Variants in NXPE3 observed in about 807,000 individuals in gnomAD.
NXPE3 encodes NXPE family member 3.
NXPE3 carries 26 observed loss-of-function variants against 46.1 expected under a neutral mutation model. That is an observed-to-expected ratio of 0.56 (90% confidence interval 0.41 to 0.78). The LOEUF is 0.78. Ranked by LOEUF, NXPE3 falls within the 30% of genes least tolerant of loss-of-function variation. The probability of loss-of-function intolerance (pLI) is 0.00; values close to 1 mark genes in which losing one functional copy is unlikely to be tolerated. For synonymous variants in NXPE3, 272 were observed against 257.9 expected, an observed-to-expected ratio of 1.05 and a Z score of -0.52; for missense variants, 620 against 686.0, an observed-to-expected ratio of 0.90 and a Z score of 1.07.
chr3:101,808,854 T>TATATATACATACATATATATATAC (rs770360739), intron 6 of NXPE3, among the ~76,000 whole-genome samples: 2 of 100,346 alleles, frequency 2.0e-5, no homozygotes, highest in Non-Finnish European at 4.2e-5. Context: ...TATATATATA[T>TATATATACATACATATATATATAC]ATGAGACATT....
At chr3:101,786,317 G>T (rs942728020) in intron 4 of NXPE3, among the ~76,000 whole-genome samples, 1 of 152,196 alleles carries the variant, frequency 6.6e-6, no homozygotes, top group African/African-American at 2.4e-5. Flanking sequence ...TTGTTGGCTT[G>T]TGGTACTTCT....
intron 3 of NXPE3, among the ~76,000 whole-genome samples, chr3:101,783,484 G>C (rs1551692): frequency 0.011 from 1,610 of 152,256 alleles, 30 homozygotes; most frequent in African/African-American, 0.037. Flanking sequence ...TCTTTTCCTG[G>C]CACAATCCTC....
intron 5 of NXPE3, among the ~76,000 whole-genome samples, chr3:101,805,199 T>C (rs1426077706): frequency 4.6e-5 from 7 of 152,176 alleles, no homozygotes; most frequent in Non-Finnish European, 8.8e-5. Context: ...ATGATCACAT[T>C]TGGGACATTT....
rs75403688 is a variant in NXPE3, at chr3:101,813,310, A to T, written c.923-3485A>T. 3.3e-3 allele frequency among the ~76,000 whole-genome samples: 504 copies of T among 152,184 alleles called. 10 individuals carry two copies. The East Asian group carries it at 0.052, about 16-fold the overall frequency. ...TTCTGCAGACAATTCCATACCATAAAATTAATGGACAGGTTTGCTGCACAT... is the reference window on the plus strand; with the variant it reads ...TTCTGCAGACAATTCCATACCATAATATTAATGGACAGGTTTGCTGCACAT... On this transcript the variant is annotated intron_variant, in intron 6 of 7. Coordinates refer to ENST00000273347, the MANE Select transcript of NXPE3 (RefSeq NM_145037.4).
At chr3:101,792,700 T>C (rs1395966405) in intron 4 of NXPE3, among the ~76,000 whole-genome samples, 2 of 152,250 alleles carry the variant, frequency 1.3e-5, no homozygotes, top group Non-Finnish European at 2.9e-5. Flanking sequence ...GGTAACATGA[T>C]GACACCAGCT....
At chr3:101,786,769 T>G (rs957125098) in intron 4 of NXPE3, among the ~76,000 whole-genome samples, 2 of 152,198 alleles carry the variant, frequency 1.3e-5, no homozygotes, top group Non-Finnish European at 2.9e-5. Flanking sequence ...TTTTAAAGTA[T>G]TTTTTGTGGT....
intron 4 of NXPE3, among the ~76,000 whole-genome samples, chr3:101,788,429 T>A (rs1026446831): frequency 9.2e-5 from 14 of 152,362 alleles, no homozygotes; most frequent in African/African-American, 3.4e-4. Context: ...GTATTTGGTG[T>A]CATATCCAAG....
At chr3:101,812,374 G>T (rs757222950) in intron 6 of NXPE3, among the ~76,000 whole-genome samples, 1 of 152,048 alleles carries the variant, frequency 6.6e-6, no homozygotes, top group East Asian at 1.9e-4. Context: ...ACTACTAACT[G>T]ATAGCATTTG....
At chr3:101,784,194 A>G (rs1192472349) in intron 3 of NXPE3, among the ~76,000 whole-genome samples, 1 of 152,234 alleles carries the variant, frequency 6.6e-6, no homozygotes, top group Non-Finnish European at 1.5e-5. Context: ...AGTATCATTA[A>G]GTTGCTTTTC....
chr3:101,799,759 T>G (rs1410742755), intron 4 of NXPE3, among the ~76,000 whole-genome samples: 7 of 152,198 alleles, frequency 4.6e-5, no homozygotes, highest in Non-Finnish European at 1.0e-4. Context: ...CCACTAGTTA[T>G]AATATTACTT....
chr3:101,806,879 CCTG>C (rs1445356966), intron 5 of NXPE3, among the ~76,000 whole-genome samples, 171 bp from the exon 6 acceptor site: 1 of 152,124 alleles, frequency 6.6e-6, no homozygotes, highest in Non-Finnish European at 1.5e-5. Context: ...GTACATAAAA[CCTG>C]CTTACTACAA....
chr3:101,818,712 AATTTATATATATATATAT>A (rs1243221755), intron 7 of NXPE3, among the ~76,000 whole-genome samples: 1 of 45,878 alleles, frequency 2.2e-5, no homozygotes, highest in African/African-American at 7.2e-5. Context: ...AATATATGAC[AATTTATATATATATATAT>A]ATATATATAT....
chr3:101,788,470 C>A (rs1940318686), intron 4 of NXPE3, among the ~76,000 whole-genome samples: 2 of 152,172 alleles, frequency 1.3e-5, no homozygotes, highest in African/African-American at 4.8e-5. Flanking sequence ...GTTGTAAGAC[C>A]TTTCCTCTGT....
chr3:101,812,959 A>G (rs916774864), intron 6 of NXPE3, among the ~76,000 whole-genome samples: 25 of 152,108 alleles, frequency 1.6e-4, no homozygotes, highest in Admixed American at 1.3e-4. Flanking sequence ...TTAGGGGACT[A>G]AAATATATAG....
At chr3:101,788,056 C>T (rs1940295260) in intron 4 of NXPE3, among the ~76,000 whole-genome samples, 1 of 152,134 alleles carries the variant, frequency 6.6e-6, no homozygotes, top group South Asian at 2.1e-4. Flanking sequence ...CAGCACTTGT[C>T]ATTTTGTTTT....
rs559291142 is a variant in NXPE3, at chr3:101,814,998, A to G, written c.923-1797A>G. Among the ~76,000 whole-genome samples the G allele has an allele frequency of 2.1e-4, 32 of 152,342 alleles. No homozygotes were observed. In the South Asian group the frequency reaches 3.1e-3, roughly 15 times the overall value. On this transcript the variant is annotated intron_variant, in intron 6 of 7. Transcript: ENST00000273347. Reference sequence around the variant, plus strand: ...GTGATAGGACCTACTTCAAAGAGTTACTGTGAGCATATGAGATAATACGTT... The same window carrying G: ...GTGATAGGACCTACTTCAAAGAGTTGCTGTGAGCATATGAGATAATACGTT...
In NXPE3 at chr3:101,822,180, A is replaced by C. The variant is rs2107366329; in HGVS notation, c.*226A>C. The C allele has an allele frequency of 8.5e-6, 4 of 471,256 alleles. No homozygotes were observed. Among genetic ancestry groups the C allele is most frequent in the South Asian group, 3.9e-5 (1 of 25,472 alleles). 29.2% of individuals were successfully genotyped at this position (471,256 alleles called of 1,614,324 possible). A position where few individuals can be genotyped will look rare whatever the true frequency, so the allele number is the denominator to read the frequency against. Reference sequence around the variant, plus strand: ...TGACTTAGCCATGGTAGAACTCTTAACTGCATCTACACACTATATTGCTCT... The same window carrying C: ...TGACTTAGCCATGGTAGAACTCTTACCTGCATCTACACACTATATTGCTCT... On this transcript the variant is annotated 3_prime_UTR_variant, in exon 8 of 8. Transcript: ENST00000273347.
intron 6 of NXPE3, 124 bp from the exon 7 acceptor site, chr3:101,816,671 G>A: frequency 1.4e-6 from 1 of 735,898 alleles, no homozygotes; most frequent in Non-Finnish European, 2.2e-6. Flanking sequence ...AGGTCTGACA[G>A]CAGGAAATGT....
At chr3:101,800,454 GGTCC>G (rs1216821671) in intron 4 of NXPE3, among the ~76,000 whole-genome samples, 1 of 152,098 alleles carries the variant, frequency 6.6e-6, no homozygotes, top group Non-Finnish European at 1.5e-5. Flanking sequence ...CCCAAAATGT[GGTCC>G]GTTTTGGTGA....
Sources: gnomAD v4.1 joint callset for allele counts (sites outside exome capture counted in the v4.1 genomes callset) on GRCh38, gnomAD v4.1.1 for gene constraint, MANE v1.5 for transcripts, NCBI Gene and HGNC (gene_info 2026-07-23, HGNC 2026-07-21) for gene names.